HSPA9: variants seen among roughly 807,000 people sequenced by gnomAD.
HSPA9 encodes the protein heat shock protein family A (Hsp70) member 9, also known as stress-70 protein, mitochondrial.
In HSPA9, 28 loss-of-function variants were observed where a neutral mutation model predicts 81.5. The ratio of observed to expected loss-of-function variants is 0.34; its 90% CI spans 0.25 to 0.47. The LOEUF (loss-of-function observed/expected upper bound fraction) is 0.47. Among genes scored for constraint, HSPA9 ranks in the 20% least tolerant of loss-of-function variants. HSPA9 has a pLI of 1.00. For missense variants in HSPA9, 678 were observed against 838.0 expected, an observed-to-expected ratio of 0.81 and a Z score of 2.36; for synonymous variants, 293 against 290.4, an observed-to-expected ratio of 1.01 and a Z score of -0.09.
chr5:138,557,680 A>G (rs1750557463), intron 13 of HSPA9, among the ~76,000 whole-genome samples, 184 bp from the exon 14 acceptor site: 1 of 152,180 alleles, frequency 6.6e-6, no homozygotes, highest in Non-Finnish European at 1.5e-5. Flanking sequence ...CACAAACACC[A>G]ACTGGCCTGT....
At chr5:138,573,683 C>T in intron 3 of HSPA9, 80 bp downstream of exon 3, 1 of 467,476 alleles carries the variant, frequency 2.1e-6, no homozygotes, top group Non-Finnish European at 4.1e-6. Context: ...AAATCAGGTT[C>T]TCAAATTCCT....
chr5:138,564,538 C>T lies in HSPA9; in HGVS notation c.972+2088G>A, dbSNP rs531027927. On this transcript the variant is annotated intron_variant, in intron 9 of 16. Transcript: ENST00000297185. ...TCAGTCTCCTGAGTAGCTGGGACTA[C>T]AGGCACGCACCTGTGGTGTAGTGCA... Among the ~76,000 whole-genome samples, 50 of 152,352 alleles carry T rather than the reference C, an allele frequency of 3.3e-4. 1 individual carries two copies. Among genetic ancestry groups the T allele is most frequent in the Admixed American group, 2.1e-3 (32 of 15,312 alleles).
At chr5:138,561,496 G>A in intron 10 of HSPA9, 84 bp downstream of exon 10, 1 of 998,108 alleles carries the variant, frequency 1.0e-6, no homozygotes, top group South Asian at 1.3e-5. Flanking sequence ...CCAGCAGAAT[G>A]GGCCATATAT....
intron 5 of HSPA9, 128 bp downstream of exon 5, chr5:138,568,797 C>T: frequency 3.3e-6 from 3 of 920,738 alleles, no homozygotes; most frequent in Non-Finnish European, 5.4e-6. Flanking sequence ...CACAGTTTTG[C>T]CATTCCTAGT....
rs1178719718 is a variant in HSPA9, at chr5:138,575,261, C to T, written c.58G>A (p.Gly20Ser). 6.2e-7 allele frequency: 1 copy of T among 1,609,806 alleles called. No homozygotes were observed. Among genetic ancestry groups the T allele is most frequent in the Non-Finnish European group, 8.5e-7 (1 of 1,178,838 alleles). The change falls in exon 1 of 17, where the codon GGC (glycine) becomes AGC (serine). Residue 20 changes from glycine (G) to serine (S), a missense_variant. Transcript: ENST00000297185. ...ARLVGAAASR[G>S]PTAARHQDSW... The stretch of plus-strand genomic sequence containing the variant: ...ACCTGGTGGCGGGCGGCCGTAGGGC[C>T]CCGGGAGGCTGCGGCGCCCACGAGA...
At chr5:138,559,433 T>C (rs777113172) in intron 11 of HSPA9, among the ~76,000 whole-genome samples, 1 of 152,108 alleles carries the variant, frequency 6.6e-6, no homozygotes, top group Non-Finnish European at 1.5e-5. Flanking sequence ...GAACAAGCCA[T>C]GTCCAAGTAG....
At chr5:138,564,725 T>TA (rs1750727128) in intron 9 of HSPA9, among the ~76,000 whole-genome samples, 2 of 152,058 alleles carry the variant, frequency 1.3e-5, no homozygotes, top group African/African-American at 4.8e-5. Flanking sequence ...AATAGTAACT[T>TA]ACATTTAGAG....
rs184915609 is a variant in HSPA9 at position 138,568,880 on chromosome 5, T to C, written c.535+45A>G. On this transcript the variant is annotated intron_variant, in intron 5 of 16. Transcript: ENST00000297185. ...CAGGGAGCTAGTGATCTCACAGGAA[T>C]CATTGTTCTTAGAACTTTCCCAGAT... is the stretch of plus-strand genomic sequence containing the variant. 52 of 1,603,748 alleles carry C rather than the reference T, an allele frequency of 3.2e-5. No individual in the cohort carries two copies. The African/African-American group carries it at 6.2e-4, about 19-fold the overall frequency.
In HSPA9 at chr5:138,571,097, C is replaced by T. The variant is rs770019899; in HGVS notation, c.273G>A (p.Val91=). 4 of 1,614,104 alleles carry T rather than the reference C, an allele frequency of 2.5e-6. No individual in the cohort carries two copies. Among genetic ancestry groups the T allele is most frequent in the Non-Finnish European group, 3.4e-6 (4 of 1,180,036 alleles). Residue 91 remains valine (V), a synonymous_variant, in exon 4 of 17, where the codon GTG becomes GTA. Transcript: ENST00000297185. Reference sequence around the variant, plus strand: ...GTCGCTCACCATCTGCTGTAAAGGCCACAACTGAAGGGGTGGTTCTGGCAC... The same window carrying T: ...GTCGCTCACCATCTGCTGTAAAGGCTACAACTGAAGGGGTGGTTCTGGCAC... ...AEGARTTPSV[V]AFTADGERLV...
At chr5:138,571,893 C>T (rs1046991897) in intron 3 of HSPA9, among the ~76,000 whole-genome samples, 1 of 151,126 alleles carries the variant, frequency 6.6e-6, no homozygotes, top group Non-Finnish European at 1.5e-5. Context: ...AACTCCTGAC[C>T]TCAGGCGATC....
chr5:138,568,687 A>G (rs1050532964), intron 5 of HSPA9, among the ~76,000 whole-genome samples: 2 of 152,064 alleles, frequency 1.3e-5, no homozygotes, highest in Non-Finnish European at 2.9e-5. Context: ...GTGGCTTTCA[A>G]TATAGAACAT....
Position 138,558,545 on chromosome 5 carries a change from T to C in HSPA9, c.1515+8A>G, listed in dbSNP as rs371706567. 3.3e-6 allele frequency: 5 copies of C among 1,535,602 alleles called. No homozygotes were observed. In the African/African-American group the frequency reaches 6.8e-5, roughly 21 times the overall value. On this transcript the variant is annotated splice_region_variant and intron_variant, in intron 12 of 16. Transcript: ENST00000297185. ...GAGGCATAGTATTCAGGATTCACAA[T>C]AACCTACCAAAGTAAACTGTCCAAG...
chr5:138,566,884 G>GT, intron 8 of HSPA9, 117 bp downstream of exon 8: 1 of 1,202,884 alleles, frequency 8.3e-7, no homozygotes, highest in African/African-American at 1.5e-5. Flanking sequence ...TCTGAAAAGA[G>GT]TATCTGTGTC....
Position 138,560,081 on chromosome 5 carries a change from G to A in HSPA9, c.1193C>T (p.Thr398Ile). The A allele has an allele frequency of 6.2e-7, 1 of 1,613,874 alleles. No homozygotes were observed. The highest frequency in any genetic ancestry group is 8.5e-7 in the Non-Finnish European group (1 of 1,179,846). ...GGCTCTGCCAAAAAGATCCTGTACAGTCTGCTGAACCTGAACATCAAGGAA... is the reference window on the plus strand; with the variant it reads ...GGCTCTGCCAAAAAGATCCTGTACAATCTGCTGAACCTGAACATCAAGGAA... ...GMTRMPKVQQ[T>I]VQDLFGRAPS... Residue 398 changes from threonine (T) to isoleucine (I), a missense_variant, in exon 11 of 17, where the codon ACT becomes ATT. By Grantham distance (89) the Thr-to-Ile change is moderately conservative. This residue lies in a region of HSPA9 where 484 missense variants were observed against 647.5 expected (regional missense o/e 0.75). Coordinates refer to ENST00000297185, the MANE Select transcript of HSPA9 (RefSeq NM_004134.7).
rs1260491082 is a variant in HSPA9 at position 138,571,065 on chromosome 5, CCAA to C, written c.302_304del (p.Val101del). 1 of 1,614,030 alleles carries C rather than the reference CCAA, an allele frequency of 6.2e-7. No homozygotes were observed. Among genetic ancestry groups the C allele is most frequent in the Non-Finnish European group, 8.5e-7 (1 of 1,180,050 alleles). Reference sequence around the variant, plus strand: ...GACAGCCTGTCGCTTGGCCGGCATTCCAACAAGTCGCTCACCATCTGCTGTAAA... The same window carrying C: ...GACAGCCTGTCGCTTGGCCGGCATTCCAAGTCGCTCACCATCTGCTGTAAA... On this transcript the variant is annotated inframe_deletion, in exon 4 of 17. Coordinates refer to ENST00000297185, the MANE Select transcript of HSPA9 (RefSeq NM_004134.7).
intron 1 of HSPA9, 71 bp downstream of exon 1, chr5:138,575,167 C>A: frequency 4.6e-6 from 5 of 1,081,724 alleles, no homozygotes; most frequent in Non-Finnish European, 6.9e-6. Context: ...GGGCGCGCGG[C>A]CTGCCGCAGC....
intron 5 of HSPA9, among the ~76,000 whole-genome samples, chr5:138,568,097 A>C (rs536836136): frequency 7.9e-4 from 121 of 152,222 alleles, no homozygotes; most frequent in African/African-American, 2.7e-3. Context: ...AGGCGGGAGA[A>C]TTGTTTGAAC....
chr5:138,553,838 A>AG lies in HSPA9; in HGVS notation c.*2198dup, dbSNP rs1412255743. On this transcript the variant is annotated 3_prime_UTR_variant, in exon 17 of 17. Transcript: ENST00000297185. ...ACGGGTTAAACATTTGTCTCTCTCCAGAAGAGATTAGTATTGAATTGGAGA... is the reference window on the plus strand; with the variant it reads ...ACGGGTTAAACATTTGTCTCTCTCCAGGAAGAGATTAGTATTGAATTGGAGA... 6.6e-6 allele frequency among the ~76,000 whole-genome samples: 1 copy of AG among 152,228 alleles called. No individual in the cohort carries two copies. The highest frequency in any genetic ancestry group is 1.5e-5 in the Non-Finnish European group (1 of 68,046).
At chr5:138,564,993 A>G (rs372679394) in intron 9 of HSPA9, among the ~76,000 whole-genome samples, 61 of 152,350 alleles carry the variant, frequency 4.0e-4, no homozygotes, top group African/African-American at 1.3e-3. Flanking sequence ...ATTAATGTCC[A>G]TCTTTCCAAA....
Sources: allele counts gnomAD v4.1 joint callset (sites outside exome capture counted in the v4.1 genomes callset), GRCh38; gene constraint gnomAD v4.1.1; regional missense constraint gnomAD v4.1.1; transcripts MANE v1.5; gene names NCBI Gene and HGNC (gene_info 2026-07-23, HGNC 2026-07-21).